The following DCDC2 variants were observed in gnomAD, a reference collection of about 807,000 sequenced individuals.
DCDC2 encodes doublecortin domain containing 2.
DCDC2 carries 40 observed loss-of-function variants against 50.2 expected under a neutral mutation model. That is an observed-to-expected ratio of 0.80 (90% CI 0.62 to 1.04). The LOEUF is 1.04. DCDC2 is among the 50% of genes least tolerant of loss of function. The pLI is 0.00. For missense variants in DCDC2, 570 were observed against 581.9 expected, an observed-to-expected ratio of 0.98 and a Z score of 0.21; for synonymous variants, 234 against 210.6, an observed-to-expected ratio of 1.11 and a Z score of -0.96.
chr6:24,245,085 T>G (rs1252135484), intron 7 of DCDC2, among the ~76,000 whole-genome samples: 3 of 152,108 alleles, frequency 2.0e-5, no homozygotes, highest in Non-Finnish European at 4.4e-5. Flanking sequence ...TCCCAGCTAC[T>G]CAGGTGGTTG....
At chr6:24,223,913 G>T (rs548903860) in intron 7 of DCDC2, among the ~76,000 whole-genome samples, 1 of 152,270 alleles carries the variant, frequency 6.6e-6, no homozygotes, top group East Asian at 1.9e-4. Context: ...TCAGTGTGCC[G>T]AGCTTTCCCA....
intron 7 of DCDC2, among the ~76,000 whole-genome samples, chr6:24,217,267 A>C (rs1285261376): frequency 6.6e-6 from 1 of 152,188 alleles, no homozygotes; most frequent in Non-Finnish European, 1.5e-5. Flanking sequence ...ATAAATATAT[A>C]CTTAAAGGAT....
chr6:24,233,877 C>T (rs890444261), intron 7 of DCDC2, among the ~76,000 whole-genome samples: 5 of 152,118 alleles, frequency 3.3e-5, no homozygotes, highest in Admixed American at 6.5e-5. Flanking sequence ...TGATTATGTG[C>T]ATTTAAGTAA....
At chr6:24,235,594 C>G (rs1240192135) in intron 7 of DCDC2, among the ~76,000 whole-genome samples, 5 of 152,058 alleles carry the variant, frequency 3.3e-5, no homozygotes, top group Non-Finnish European at 7.4e-5. Context: ...GATCAAAATC[C>G]AACATCCCTT....
chr6:24,349,271 G>A (rs577849558), intron 2 of DCDC2, among the ~76,000 whole-genome samples: 3 of 152,342 alleles, frequency 2.0e-5, no homozygotes, highest in East Asian at 1.9e-4. Flanking sequence ...CACTTATGAT[G>A]TAGTACTAGA....
the DCDC2 span, among the ~76,000 whole-genome samples, chr6:24,382,324 T>G: frequency 6.6e-6 from 1 of 152,112 alleles, no homozygotes; most frequent in Non-Finnish European, 1.5e-5. Flanking sequence ...GTTTTTCTGT[T>G]TCTCAGCTCT....
intron 6 of DCDC2, among the ~76,000 whole-genome samples, chr6:24,286,868 C>T (rs559114556): frequency 6.6e-6 from 1 of 152,284 alleles, no homozygotes; most frequent in African/African-American, 2.4e-5. Context: ...AATCATCACA[C>T]AAATCCTTTG....
chr6:24,371,057 C>T, the DCDC2 span, among the ~76,000 whole-genome samples: 25 of 151,258 alleles, frequency 1.7e-4, no homozygotes, highest in Non-Finnish European at 2.4e-4. Flanking sequence ...AGGTGGATCA[C>T]CTGAGGTCAG....
the DCDC2 span, among the ~76,000 whole-genome samples, chr6:24,378,260 TTG>T: frequency 6.6e-6 from 1 of 152,184 alleles, no homozygotes; most frequent in Non-Finnish European, 1.5e-5. Flanking sequence ...CATTCGGCAC[TTG>T]TGTGTGTTTC....
At chr6:24,375,297 G>A in the DCDC2 span, among the ~76,000 whole-genome samples, 2 of 152,096 alleles carry the variant, frequency 1.3e-5, no homozygotes, top group Non-Finnish European at 1.5e-5. Flanking sequence ...TGTGTCCCGA[G>A]AGGGATCTCT....
chr6:24,259,823 T>C (rs1196590495), intron 7 of DCDC2, among the ~76,000 whole-genome samples: 6 of 152,206 alleles, frequency 3.9e-5, no homozygotes, highest in Non-Finnish European at 8.8e-5. Flanking sequence ...CTGCTACTTG[T>C]AATATCCTAC....
chr6:24,314,728 C>G (rs369662428), intron 2 of DCDC2, among the ~76,000 whole-genome samples: 2 of 151,836 alleles, frequency 1.3e-5, no homozygotes, highest in East Asian at 3.9e-4. Context: ...TACTAGATGC[C>G]ACATTTCACA....
intron 7 of DCDC2, among the ~76,000 whole-genome samples, chr6:24,269,897 G>A (rs1763202369): frequency 6.6e-6 from 1 of 151,874 alleles, no homozygotes; most frequent in Non-Finnish European, 1.5e-5. Flanking sequence ...CTGCTAAAGA[G>A]AAAAACGGCT....
At chr6:24,345,118 G>A (rs1317658779) in intron 2 of DCDC2, among the ~76,000 whole-genome samples, 2 of 152,076 alleles carry the variant, frequency 1.3e-5, no homozygotes, top group Admixed American at 6.5e-5. Flanking sequence ...TCAGTAGTTC[G>A]CTCTTTGAAG....
At chr6:24,268,097 T>C (rs1392993205) in intron 7 of DCDC2, among the ~76,000 whole-genome samples, 1 of 152,136 alleles carries the variant, frequency 6.6e-6, no homozygotes, top group Admixed American at 6.5e-5. Context: ...CTCTGAGAAA[T>C]CCTGTAGCAG....
At chr6:24,318,214 A>G (rs754165760) in intron 2 of DCDC2, among the ~76,000 whole-genome samples, 16 of 152,082 alleles carry the variant, frequency 1.1e-4, no homozygotes, top group African/African-American at 2.9e-4. Context: ...TATTCATTGT[A>G]GTATTATTTA....
intron 7 of DCDC2, among the ~76,000 whole-genome samples, chr6:24,210,633 G>A (rs576601657): frequency 2.0e-5 from 3 of 152,180 alleles, no homozygotes; most frequent in Non-Finnish European, 4.4e-5. Context: ...TGGATGGGCT[G>A]TTAAAACAGC....
intron 8 of DCDC2, among the ~76,000 whole-genome samples, chr6:24,199,422 T>C (rs1186050651): frequency 6.6e-6 from 1 of 152,168 alleles, no homozygotes; most frequent in Non-Finnish European, 1.5e-5. Flanking sequence ...CAGAGGGGCC[T>C]GACTGTTACA....
At chr6:24,317,465 T>A (rs935104162) in intron 2 of DCDC2, among the ~76,000 whole-genome samples, 1 of 151,926 alleles carries the variant, frequency 6.6e-6, no homozygotes, top group African/African-American at 2.4e-5. Context: ...GAAAATTCGA[T>A]CCATATCTTA....
Sources: gnomAD v4.1 joint callset for allele counts (sites outside exome capture counted in the v4.1 genomes callset) on GRCh38, gnomAD v4.1.1 for gene constraint, MANE v1.5 for transcripts, NCBI Gene and HGNC (gene_info 2026-07-23, HGNC 2026-07-21) for gene names.